The following RCAN2 variants were observed in gnomAD, a reference collection of about 807,000 sequenced individuals.
RCAN2 encodes regulator of calcineurin 2, also known as calcipressin-2.
A neutral mutation model predicts 23.6 loss-of-function variants in RCAN2; 9 were observed. The observed-to-expected ratio is 0.38, with a 90% CI of 0.23 to 0.67. The LOEUF (loss-of-function observed/expected upper bound fraction) is 0.67, where lower values mean the gene tolerates loss of function less well. Among genes scored for constraint, RCAN2 ranks in the 30% least tolerant of loss-of-function variants. The pLI is 0.51. For synonymous variants in RCAN2, 109 were observed against 115.7 expected, an observed-to-expected ratio of 0.94 and a Z score of 0.37; for missense variants, 273 against 302.3, an observed-to-expected ratio of 0.90 and a Z score of 0.72.
intron 2 of RCAN2, among the ~76,000 whole-genome samples, chr6:46,360,001 G>A (rs1158181432): frequency 6.6e-6 from 1 of 152,108 alleles, no homozygotes; most frequent in Non-Finnish European, 1.5e-5. Context: ...CACAAATCCT[G>A]TCTTTTTGTT....
At chr6:46,225,148 C>T (rs1582001129) in intron 4 of RCAN2, among the ~76,000 whole-genome samples, 1 of 152,256 alleles carries the variant, frequency 6.6e-6, no homozygotes, top group Non-Finnish European at 1.5e-5. Context: ...TTCCATGGTG[C>T]ATATGTGCCA....
At chr6:46,352,080 A>G (rs918877758) in intron 2 of RCAN2, among the ~76,000 whole-genome samples, 2 of 152,232 alleles carry the variant, frequency 1.3e-5, no homozygotes, top group Non-Finnish European at 2.9e-5. Context: ...AGCCATGAAC[A>G]TAAGAGTATA....
intron 2 of RCAN2, among the ~76,000 whole-genome samples, chr6:46,262,849 C>T (rs1199728584): frequency 6.6e-6 from 1 of 152,156 alleles, no homozygotes; most frequent in East Asian, 1.9e-4. Context: ...CTCATTTGCC[C>T]TTTCTTCCGC....
At chr6:46,479,621 T>C (rs1375640207) in intron 1 of RCAN2, among the ~76,000 whole-genome samples, 2 of 137,084 alleles carry the variant, frequency 1.5e-5, no homozygotes, top group African/African-American at 5.6e-5. Flanking sequence ...AGAGTCTCAC[T>C]CTGTCACCCA....
intron 1 of RCAN2, among the ~76,000 whole-genome samples, chr6:46,462,071 A>G (rs1237038373): frequency 1.3e-5 from 2 of 152,226 alleles, no homozygotes; most frequent in African/African-American, 4.8e-5. Flanking sequence ...AGAGGTGGCC[A>G]TCATCTTCTA....
At chr6:46,445,261 C>A (rs760604868) in intron 2 of RCAN2, among the ~76,000 whole-genome samples, 5 of 152,122 alleles carry the variant, frequency 3.3e-5, no homozygotes, top group Non-Finnish European at 5.9e-5. Flanking sequence ...TAGAACCAAT[C>A]AATACGTTTA....
At chr6:46,371,485 T>C (rs1196699759) in intron 2 of RCAN2, among the ~76,000 whole-genome samples, 1 of 152,192 alleles carries the variant, frequency 6.6e-6, no homozygotes, top group Non-Finnish European at 1.5e-5. Flanking sequence ...CATGAGCAAC[T>C]TGTAGAGGAA....
rs962035104 is a variant in RCAN2 at position 46,325,565 on chromosome 6, C to T, written c.226-76669G>A. On this transcript the variant is annotated intron_variant, in intron 2 of 4. Transcript: ENST00000371374. Reference sequence around the variant, plus strand: ...AGCTTCCAGATGGATATTGCTGTGGCCAGGCCTCGGTGCTGCCTTGCTCTG... The same window carrying T: ...AGCTTCCAGATGGATATTGCTGTGGTCAGGCCTCGGTGCTGCCTTGCTCTG... The T allele has an allele frequency of 1.9e-6, 3 of 1,569,314 alleles. No individual in the cohort carries two copies. In the African/African-American group the frequency reaches 4.0e-5, roughly 21 times the overall value.
At chr6:46,279,095 G>A (rs1056416523) in intron 2 of RCAN2, among the ~76,000 whole-genome samples, 1 of 148,246 alleles carries the variant, frequency 6.7e-6, no homozygotes, top group Non-Finnish European at 1.5e-5. Flanking sequence ...CCCTTGAATA[G>A]GTACTAAATT....
intron 2 of RCAN2, among the ~76,000 whole-genome samples, chr6:46,425,123 G>A (rs944428314): frequency 6.6e-6 from 1 of 152,196 alleles, no homozygotes; most frequent in South Asian, 2.1e-4. Flanking sequence ...CACCAGGAGC[G>A]ATCTTATTCT....
chr6:46,255,955 C>A (rs1050715994), intron 2 of RCAN2, among the ~76,000 whole-genome samples: 3 of 152,158 alleles, frequency 2.0e-5, no homozygotes, highest in Non-Finnish European at 4.4e-5. Flanking sequence ...AGGGAATAAG[C>A]ATTGCTCAGA....
At chr6:46,270,544 T>A (rs1767489104) in intron 2 of RCAN2, among the ~76,000 whole-genome samples, 1 of 152,158 alleles carries the variant, frequency 6.6e-6, no homozygotes, top group South Asian at 2.1e-4. Flanking sequence ...TCTCAGATGG[T>A]TCCCAGTGAT....
intron 2 of RCAN2, among the ~76,000 whole-genome samples, chr6:46,376,647 T>C (rs1453725679): frequency 6.6e-6 from 1 of 151,856 alleles, no homozygotes; most frequent in South Asian, 2.1e-4. Flanking sequence ...CACGCCACTG[T>C]GGCTGCACAC....
chr6:46,447,821 T>C (rs1032168256), intron 2 of RCAN2, among the ~76,000 whole-genome samples: 4 of 151,594 alleles, frequency 2.6e-5, no homozygotes, highest in African/African-American at 7.3e-5. Flanking sequence ...TAAAATCTAG[T>C]AGCATACTAT....
chr6:46,422,599 C>T (rs1418906856), intron 2 of RCAN2, among the ~76,000 whole-genome samples: 1 of 152,096 alleles, frequency 6.6e-6, no homozygotes, highest in African/African-American at 2.4e-5. Context: ...AGATAAAGAA[C>T]ATACCATAGA....
chr6:46,413,409 A>AT (rs939666127), intron 2 of RCAN2, among the ~76,000 whole-genome samples: 5 of 152,090 alleles, frequency 3.3e-5, no homozygotes, highest in African/African-American at 9.7e-5. Context: ...TCCTGCTAAG[A>AT]TTTTTTTTAT....
chr6:46,388,072 G>A (rs987310144), intron 2 of RCAN2, among the ~76,000 whole-genome samples: 3 of 150,908 alleles, frequency 2.0e-5, no homozygotes, highest in Admixed American at 6.6e-5. Flanking sequence ...TTGGACCCAG[G>A]AAGGGGAACA....
intron 2 of RCAN2, among the ~76,000 whole-genome samples, chr6:46,356,329 C>T (rs745384839): frequency 6.6e-6 from 1 of 152,142 alleles, no homozygotes; most frequent in Non-Finnish European, 1.5e-5. Flanking sequence ...TTGATACCTG[C>T]TCTTTGTGGG....
intron 2 of RCAN2, among the ~76,000 whole-genome samples, chr6:46,405,458 T>C (rs374852262): frequency 7.2e-4 from 110 of 152,294 alleles, no homozygotes; most frequent in African/African-American, 2.4e-3. Context: ...AGGGCACTGA[T>C]TGGTGCGTTT....
Sources: allele counts gnomAD v4.1 joint callset (sites outside exome capture counted in the v4.1 genomes callset), GRCh38; gene constraint gnomAD v4.1.1; transcripts MANE v1.5; gene names NCBI Gene and HGNC (gene_info 2026-07-23, HGNC 2026-07-21).